Variants in DGKI observed in about 807,000 individuals in gnomAD.
The protein encoded by DGKI is diacylglycerol kinase iota.
In DGKI, 55 loss-of-function variants were observed where a neutral mutation model predicts 147.5. That is an observed-to-expected ratio of 0.37 (90% CI 0.30 to 0.47). The LOEUF (loss-of-function observed/expected upper bound fraction) is 0.47. Ranked by LOEUF, DGKI falls within the 20% of genes least tolerant of loss-of-function variation. DGKI has a pLI of 1.00. For missense variants in DGKI, 1,007 were observed against 1,323.8 expected (o/e 0.76, Z 3.71); for synonymous variants, 469 against 477.1 (o/e 0.98, Z 0.22).
At chr7:137,540,759 C>A (rs75460536) in intron 20 of DGKI, among the ~76,000 whole-genome samples, 57,656 of 63,566 alleles carry the variant, frequency 0.91, 25,966 homozygotes, top group Non-Finnish European at 0.93. Context: ...TTAAAAACCC[C>A]CCCAAAAAAA....
At chr7:137,419,389 A>C (rs1266418833) in intron 28 of DGKI, among the ~76,000 whole-genome samples, 1 of 152,160 alleles carries the variant, frequency 6.6e-6, no homozygotes, top group Non-Finnish European at 1.5e-5. Flanking sequence ...GATAACTTAT[A>C]CCATAGCTGC....
Position 137,608,999 on chromosome 7 carries a change from A to G in DGKI, c.1134T>C (p.Leu378=). The G allele has an allele frequency of 6.2e-7, 1 of 1,613,738 alleles. No homozygotes were observed. The highest frequency in any genetic ancestry group is 8.5e-7 in the Non-Finnish European group (1 of 1,179,694). Residue 378 remains leucine, a synonymous_variant, in exon 10 of 33, where the codon CTT becomes CTC. Coordinates refer to ENST00000614521, the MANE Select transcript of DGKI (RefSeq NM_001321708.2). ...CTCCACTCTTGGGATTCACAAATAC[A>G]AGCAAGGGTTTCATGAGAGGAGAAG... ...PISSPLMKPL[L]VFVNPKSGGN... is the part of the protein sequence containing the mutation.
At chr7:137,831,318 C>T (rs753500154) in intron 1 of DGKI, among the ~76,000 whole-genome samples, 12 of 152,126 alleles carry the variant, frequency 7.9e-5, no homozygotes, top group East Asian at 1.9e-4. Flanking sequence ...TGTATTAGTC[C>T]GTTTTCATGC....
In DGKI at chr7:137,540,788, AC is replaced by A. The variant is rs1563075758; in HGVS notation, c.2147+11580del. ...AAAAAAAAAAAAAAAAAAAAAAAAA[AC>A]ATTTACAATGGCTCCAAAAACATGA... On this transcript the variant is annotated intron_variant, in intron 20 of 32. Coordinates refer to ENST00000614521, the MANE Select transcript of DGKI (RefSeq NM_001321708.2). 2.6e-3 allele frequency among the ~76,000 whole-genome samples: 358 copies of A among 140,006 alleles called. 4 individuals are homozygous for A. Among genetic ancestry groups the A allele is most frequent in the South Asian group, 0.015 (60 of 4,108 alleles). 91.8% of individuals were successfully genotyped at this position (140,006 alleles called of 152,430 possible). A position where few individuals can be genotyped will look rare whatever the true frequency, so the allele number is the denominator to read the frequency against.
rs182852923 is a variant in DGKI, at chr7:137,752,067, C to A, written c.402-62065G>T. On this transcript the variant is annotated intron_variant, in intron 1 of 32. Coordinates refer to ENST00000614521, the MANE Select transcript of DGKI (RefSeq NM_001321708.2). ...CTACATTTCAGAATCATAAATCCTA[C>A]TACAATGTCCTTCAGACTAAAAATT... Among the ~76,000 whole-genome samples the A allele has an allele frequency of 5.3e-5, 8 of 152,268 alleles. No homozygotes were observed. In the East Asian group the frequency reaches 1.5e-3, roughly 29 times the overall value.
rs1282970860 is a variant in DGKI, at chr7:137,383,194, A to T, written c.*8026T>A. 2.0e-5 allele frequency: 3 copies of T among 151,638 alleles called. No individual in the cohort carries two copies. Among genetic ancestry groups the T allele is most frequent in the Admixed American group, 2.0e-4 (3 of 15,222 alleles). 9.4% of individuals were successfully genotyped at this position (151,638 alleles called of 1,614,324 possible). A position where few individuals can be genotyped will look rare whatever the true frequency, so the allele number is the denominator to read the frequency against. On this transcript the variant is annotated 3_prime_UTR_variant, in exon 33 of 33. Coordinates refer to ENST00000614521, the MANE Select transcript of DGKI (RefSeq NM_001321708.2). ...GCTTTAGTAGAAACATATCTTTTTT[A>T]GGAGATTTGGGAATTGGCTAACAAT...
At chr7:137,824,720 C>G (rs902660926) in intron 1 of DGKI, among the ~76,000 whole-genome samples, 2 of 152,154 alleles carry the variant, frequency 1.3e-5, no homozygotes, top group Non-Finnish European at 2.9e-5. Context: ...CGCCTCCACC[C>G]TCCAAAAGGC....
intron 27 of DGKI, among the ~76,000 whole-genome samples, chr7:137,447,750 G>A (rs1293040036): frequency 6.6e-6 from 1 of 152,240 alleles, no homozygotes; most frequent in African/African-American, 2.4e-5. Flanking sequence ...AAGCTAAATG[G>A]AGCAAGCTTG....
intron 20 of DGKI, among the ~76,000 whole-genome samples, chr7:137,545,256 C>T (rs1817826338): frequency 6.6e-6 from 1 of 152,120 alleles, no homozygotes; most frequent in Non-Finnish European, 1.5e-5. Context: ...GCTAGGTAAG[C>T]ATATGTGATA....
intron 4 of DGKI, 135 bp downstream of exon 4, chr7:137,656,331 T>A: frequency 1.2e-6 from 1 of 837,234 alleles, no homozygotes; most frequent in Non-Finnish European, 2.0e-6. Flanking sequence ...ATTAGTAATC[T>A]GGTAATAATG....
At chr7:137,609,703 T>A in intron 8 of DGKI, 94 bp from the exon 9 acceptor site, 3 of 805,928 alleles carry the variant, frequency 3.7e-6, no homozygotes, top group Non-Finnish European at 6.3e-6. Context: ...CAGCGCATGC[T>A]GTTCCACTGC....
chr7:137,404,090 G>A (rs1267995394), intron 30 of DGKI, among the ~76,000 whole-genome samples: 1 of 152,064 alleles, frequency 6.6e-6, no homozygotes, highest in African/African-American at 2.4e-5. Context: ...TTACAGTATT[G>A]AAAAAGGGTA....
chr7:137,704,179 C>A (rs1341008329), intron 1 of DGKI, among the ~76,000 whole-genome samples: 1 of 151,974 alleles, frequency 6.6e-6, no homozygotes, highest in African/African-American at 2.4e-5. Flanking sequence ...CCACTGCACT[C>A]CAGCCTGGGG....
At chr7:137,732,906 T>C (rs1398112274) in intron 1 of DGKI, among the ~76,000 whole-genome samples, 6 of 151,750 alleles carry the variant, frequency 4.0e-5, no homozygotes, top group Non-Finnish European at 8.8e-5. Flanking sequence ...TAAAGAAGCC[T>C]CCTCTAGCTC....
At position 137,781,887 on chromosome 7, in the gene DGKI, A is replaced by G. The variant is rs1391368830; in HGVS notation, c.401+64575T>C. Among the ~76,000 whole-genome samples the G allele has an allele frequency of 4.6e-5, 7 of 152,220 alleles. 1 individual carries two copies. On this transcript the variant is annotated intron_variant, in intron 1 of 32. Transcript: ENST00000614521. ...TGAGCATGGTCATCTCAAGTGCTAC[A>G]TTTTAATCATAGCAGTGATTCCTCA...
intron 19 of DGKI, among the ~76,000 whole-genome samples, chr7:137,555,517 C>A (rs529422839): frequency 6.6e-6 from 1 of 151,732 alleles, no homozygotes; most frequent in South Asian, 2.1e-4. Flanking sequence ...AGAGCAAGAC[C>A]CTGTATCTAA....
intron 1 of DGKI, among the ~76,000 whole-genome samples, chr7:137,726,686 T>G (rs1301962111): frequency 6.6e-6 from 1 of 152,180 alleles, no homozygotes; most frequent in Non-Finnish European, 1.5e-5. Flanking sequence ...CAACCCTGGT[T>G]TCATGGAGAC....
chr7:137,810,382 A>C (rs1797523640), intron 1 of DGKI, among the ~76,000 whole-genome samples: 1 of 152,190 alleles, frequency 6.6e-6, no homozygotes, highest in South Asian at 2.1e-4. Context: ...AAGGAAAAGA[A>C]AACGAAACTA....
intron 1 of DGKI, among the ~76,000 whole-genome samples, chr7:137,763,475 G>A (rs116513047): frequency 6.6e-6 from 1 of 152,282 alleles, no homozygotes; most frequent in African/African-American, 2.4e-5. Flanking sequence ...TTTGCATTTA[G>A]GGATCACTCA....
Sources: allele counts gnomAD v4.1 joint callset (sites outside exome capture counted in the v4.1 genomes callset), GRCh38; gene constraint gnomAD v4.1.1; transcripts MANE v1.5; gene names NCBI Gene and HGNC (gene_info 2026-07-23, HGNC 2026-07-21).